The following GATAD2A variants were observed in gnomAD, a reference collection of about 807,000 sequenced individuals.
The protein encoded by GATAD2A is GATA zinc finger domain containing 2A.
A neutral mutation model predicts 68.5 loss-of-function variants in GATAD2A; 12 were observed. That is an observed-to-expected ratio of 0.18 (90% CI 0.11 to 0.28). The LOEUF is 0.28. GATAD2A is among the 10% of genes least tolerant of loss of function. The pLI is 1.00. For missense variants in GATAD2A, 755 were observed against 868.5 expected (o/e 0.87, Z 1.64); for synonymous variants, 410 against 375.3 (o/e 1.09, Z -1.07).
chr19:19,498,337 G>C (rs1234717377), intron 7 of GATAD2A, 106 bp from the exon 8 acceptor site: 2 of 991,498 alleles, frequency 2.0e-6, no homozygotes, highest in Non-Finnish European at 2.9e-6. Flanking sequence ...CCATCGTCAA[G>C]GGTACTGGTT....
At chr19:19,469,819 C>G (rs1600215541) in intron 2 of GATAD2A, among the ~76,000 whole-genome samples, 1 of 152,038 alleles carries the variant, frequency 6.6e-6, no homozygotes, top group African/African-American at 2.4e-5. Context: ...TGGTGGCACG[C>G]ACCTATAGTC....
chr19:19,392,692 G>T, intron 1 of GATAD2A, among the ~76,000 whole-genome samples: 1 of 131,520 alleles, frequency 7.6e-6, no homozygotes, highest in East Asian at 2.2e-4. Context: ...GTCCGGTCAA[G>T]TTTTTTTTTT....
chr19:19,450,334 C>G (rs76784524), intron 1 of GATAD2A, among the ~76,000 whole-genome samples: 1,639 of 152,304 alleles, frequency 0.011, 35 homozygotes, highest in African/African-American at 0.037. Flanking sequence ...AGATGCCCCT[C>G]TCCCTCTGTC....
At chr19:19,429,987 G>C (rs746318288) in intron 1 of GATAD2A, among the ~76,000 whole-genome samples, 4 of 152,058 alleles carry the variant, frequency 2.6e-5, no homozygotes, top group Admixed American at 2.0e-4. Context: ...GCGGCAGCTT[G>C]CTGCTGTGGC....
chr19:19,436,095 G>T, intron 1 of GATAD2A: 2 of 1,153,682 alleles, frequency 1.7e-6, no homozygotes, highest in South Asian at 1.2e-5. Flanking sequence ...ACCTTGCTTG[G>T]AAACACAGTG....
intron 4 of GATAD2A, 150 bp downstream of exon 4, chr19:19,492,862 G>A: frequency 1.5e-6 from 1 of 679,012 alleles, no homozygotes; most frequent in Non-Finnish European, 2.5e-6. Flanking sequence ...GGACTCCAGT[G>A]TGCATTTTGG....
At chr19:19,412,930 G>T (rs975538292) in intron 1 of GATAD2A, among the ~76,000 whole-genome samples, 1 of 152,182 alleles carries the variant, frequency 6.6e-6, no homozygotes, top group Non-Finnish European at 1.5e-5. Flanking sequence ...TAACCCCATT[G>T]TAAGTCGAGG....
Position 19,492,680 on chromosome 19 carries a change from A to T in GATAD2A, c.502A>T (p.Ser168Cys). Residue 168 changes from serine to cysteine, a missense_variant, in exon 4 of 12, where the codon AGT becomes TGT. Transcript: ENST00000683918. Reference sequence around the variant, plus strand: ...CGTGTTGTTGAAAAAGTTGCGGCAGAGTCAAATACAAAAGGAAGCCACCGC... The same window carrying T: ...CGTGTTGTTGAAAAAGTTGCGGCAGTGTCAAATACAAAAGGAAGCCACCGC... ...KLVLLKKLRQ[S>C]QIQKEATAQK... 1.9e-6 allele frequency: 3 copies of T among 1,614,176 alleles called. No homozygotes were observed. The highest frequency in any genetic ancestry group is 2.5e-6 in the Non-Finnish European group (3 of 1,180,024).
At chr19:19,485,121 G>T (rs1006888564) in intron 2 of GATAD2A, among the ~76,000 whole-genome samples, 4 of 152,186 alleles carry the variant, frequency 2.6e-5, no homozygotes, top group African/African-American at 9.7e-5. Flanking sequence ...CTGTCAGGGG[G>T]TGCTTTAAGG....
chr19:19,436,238 G>A, intron 1 of GATAD2A: 1 of 1,313,654 alleles, frequency 7.6e-7, no homozygotes, highest in Non-Finnish European at 1.0e-6. Flanking sequence ...TTGGGGTGTA[G>A]TGTCTGTGGA....
intron 1 of GATAD2A, among the ~76,000 whole-genome samples, chr19:19,396,966 C>T (rs1282136073): frequency 6.6e-6 from 1 of 152,126 alleles, no homozygotes; most frequent in East Asian, 1.9e-4. Flanking sequence ...CTCAGCATCC[C>T]AAAGTGTGGG....
At chr19:19,453,684 T>TC (rs200326392) in intron 1 of GATAD2A, among the ~76,000 whole-genome samples, 6,900 of 151,610 alleles carry the variant, frequency 0.046, 217 homozygotes, top group Middle Eastern at 0.085. Flanking sequence ...TTTAAAATTT[T>TC]TTTTTTTTTT....
At chr19:19,444,258 G>A (rs907288119) in intron 1 of GATAD2A, among the ~76,000 whole-genome samples, 4 of 151,794 alleles carry the variant, frequency 2.6e-5, no homozygotes, top group Non-Finnish European at 5.9e-5. Flanking sequence ...AGCCCATCAC[G>A]AGTGGATAAA....
intron 2 of GATAD2A, among the ~76,000 whole-genome samples, chr19:19,469,961 G>A (rs999081325): frequency 2.7e-5 from 4 of 147,778 alleles, no homozygotes; most frequent in Admixed American, 6.7e-5. Context: ...AAAAAAAAAA[G>A]AAGCAAGATT....
intron 1 of GATAD2A, among the ~76,000 whole-genome samples, chr19:19,424,528 C>A (rs2052828159): frequency 6.6e-6 from 1 of 152,068 alleles, no homozygotes; most frequent in South Asian, 2.1e-4. Context: ...CTGCGCCTGA[C>A]CTCCACTGAG....
At chr19:19,398,999 C>T (rs28808149) in intron 1 of GATAD2A, among the ~76,000 whole-genome samples, 196 of 152,016 alleles carry the variant, frequency 1.3e-3, no homozygotes, top group African/African-American at 4.4e-3. Context: ...GCAGGGGTTG[C>T]GGTGAGCTGA....
chr19:19,393,960 C>T (rs571238718), intron 1 of GATAD2A, among the ~76,000 whole-genome samples: 1 of 151,702 alleles, frequency 6.6e-6, no homozygotes, highest in Non-Finnish European at 1.5e-5. Context: ...GATCTTGGCT[C>T]ACTGCAACCT....
In GATAD2A at chr19:19,505,610, C is replaced by A. The variant is rs889038473; in HGVS notation, c.*136C>A. ...CCAAGAGCAAGCACCGGCCATGCTGCAGAGGCAAGACCTCAATTCTTGGCT... is the reference window on the plus strand; with the variant it reads ...CCAAGAGCAAGCACCGGCCATGCTGAAGAGGCAAGACCTCAATTCTTGGCT... On this transcript the variant is annotated 3_prime_UTR_variant, in exon 12 of 12. Transcript: ENST00000683918. The A allele has an allele frequency of 3.2e-5, 24 of 746,132 alleles. No homozygotes were observed. The highest frequency in any genetic ancestry group is 2.9e-4 in the South Asian group (14 of 47,876). 46.2% of individuals were successfully genotyped at this position (746,132 alleles called of 1,614,324 possible). A position where few individuals can be genotyped will look rare whatever the true frequency, so the allele number is the denominator to read the frequency against.
intron 1 of GATAD2A, among the ~76,000 whole-genome samples, chr19:19,423,733 G>A (rs892501489): frequency 1.3e-5 from 2 of 152,240 alleles, no homozygotes; most frequent in Admixed American, 6.5e-5. Context: ...GTTGGGGATG[G>A]CGTGGGCAGA....
Sources: gnomAD v4.1 joint callset for allele counts (sites outside exome capture counted in the v4.1 genomes callset) on GRCh38, gnomAD v4.1.1 for gene constraint, MANE v1.5 for transcripts, NCBI Gene and HGNC (gene_info 2026-07-23, HGNC 2026-07-21) for gene names.